NTM: variants seen among roughly 807,000 people sequenced by gnomAD.
NTM encodes IgLON family member 2.
A neutral mutation model predicts 42.1 loss-of-function variants in NTM; 13 were observed. The observed-to-expected ratio is 0.31, with a 90% CI of 0.20 to 0.49. The LOEUF (loss-of-function observed/expected upper bound fraction) is 0.49, where lower values mean the gene tolerates loss of function less well. Ranked by LOEUF, NTM falls within the 20% of genes least tolerant of loss-of-function variation. NTM has a pLI of 0.99. For missense variants in NTM, 373 were observed against 452.8 expected (o/e 0.82, Z 1.60); for synonymous variants, 187 against 179.2 (o/e 1.04, Z -0.35).
At chr11:131,386,766 T>A (rs1213281673) in intron 1 of NTM, among the ~76,000 whole-genome samples, 2 of 152,194 alleles carry the variant, frequency 1.3e-5, no homozygotes, top group African/African-American at 4.8e-5. Context: ...AACCAGAGAA[T>A]CCTGTGCAGT....
At chr11:131,486,884 G>A (rs12576456) in intron 1 of NTM, among the ~76,000 whole-genome samples, 8 of 152,280 alleles carry the variant, frequency 5.3e-5, no homozygotes, top group Middle Eastern at 3.4e-3. Flanking sequence ...CGGGATGCCA[G>A]CCCTGGATGG....
At chr11:131,912,571 AT>A (rs1239085285) in intron 2 of NTM, among the ~76,000 whole-genome samples, 11 of 152,200 alleles carry the variant, frequency 7.2e-5, no homozygotes, top group Admixed American at 4.6e-4. Context: ...GCGATGGGAA[AT>A]TTTATTCTCT....
intron 2 of NTM, among the ~76,000 whole-genome samples, chr11:132,130,984 A>G (rs1193166978): frequency 6.6e-6 from 1 of 152,212 alleles, no homozygotes; most frequent in Non-Finnish European, 1.5e-5. Context: ...TCTTATGATG[A>G]TGCTGTGAGA....
chr11:131,404,505 C>T (rs144461078), intron 1 of NTM, among the ~76,000 whole-genome samples: 39 of 152,262 alleles, frequency 2.6e-4, no homozygotes, highest in African/African-American at 4.3e-4. Flanking sequence ...TCCACTTCTC[C>T]GGGAGATCTC....
At chr11:131,735,437 T>G in intron 1 of NTM, among the ~76,000 whole-genome samples, 1 of 152,196 alleles carries the variant, frequency 6.6e-6, no homozygotes, top group East Asian at 1.9e-4. Context: ...AATAGAGAAG[T>G]GACAGTCATT....
At chr11:131,396,494 A>G (rs1944571114) in intron 1 of NTM, among the ~76,000 whole-genome samples, 1 of 152,184 alleles carries the variant, frequency 6.6e-6, no homozygotes, top group Admixed American at 6.5e-5. Context: ...GTATATTTTG[A>G]ATCATTAAAA....
At chr11:131,815,269 A>G (rs76721392) in intron 1 of NTM, among the ~76,000 whole-genome samples, 1 of 151,970 alleles carries the variant, frequency 6.6e-6, no homozygotes, top group Admixed American at 6.6e-5. Context: ...GTCTGATAAG[A>G]GCTTACAAAG....
intron 1 of NTM, among the ~76,000 whole-genome samples, chr11:131,818,143 C>T (rs981927380): frequency 6.6e-6 from 1 of 152,116 alleles, no homozygotes; most frequent in Non-Finnish European, 1.5e-5. Context: ...CTTCAGAACC[C>T]ACCTTCACGC....
intron 2 of NTM, among the ~76,000 whole-genome samples, chr11:131,983,334 C>A (rs773857520): frequency 2.0e-5 from 3 of 150,636 alleles, no homozygotes; most frequent in African/African-American, 7.3e-5. Context: ...TAACAAACCT[C>A]ATTTTTCACC....
chr11:131,640,992 G>A (rs2065061597), intron 1 of NTM, among the ~76,000 whole-genome samples: 1 of 152,152 alleles, frequency 6.6e-6, no homozygotes, highest in Admixed American at 6.5e-5. Context: ...GGGAATCATA[G>A]GGATGACATT....
chr11:132,121,223 C>G (rs1329646580), intron 2 of NTM, among the ~76,000 whole-genome samples: 1 of 152,160 alleles, frequency 6.6e-6, no homozygotes. Context: ...AGCCCTTCTT[C>G]CCTGGACCTC....
chr11:132,164,497 A>T (rs1467051971), intron 3 of NTM, among the ~76,000 whole-genome samples: 1 of 152,174 alleles, frequency 6.6e-6, no homozygotes, highest in Non-Finnish European at 1.5e-5. Flanking sequence ...ACATTTCTTT[A>T]TTTGACTATG....
intron 1 of NTM, among the ~76,000 whole-genome samples, chr11:131,546,973 A>G (rs1030002879): frequency 6.6e-6 from 1 of 151,810 alleles, no homozygotes; most frequent in Admixed American, 6.6e-5. Flanking sequence ...CCTTTCCATC[A>G]TGCCTCTGAG....
intron 1 of NTM, among the ~76,000 whole-genome samples, chr11:131,874,137 C>T (rs957994606): frequency 7.0e-6 from 1 of 143,180 alleles, no homozygotes; most frequent in African/African-American, 2.5e-5. Flanking sequence ...AAATAAAGGC[C>T]TTCTTGGTCT....
rs539477864 is a variant in NTM at position 131,911,052 on chromosome 11, C to T, written c.83-512C>T. ...CCGTTCGAACTGAGGGACTGCAGAC[C>T]GCCTCTGGGTAGCTGGATGAAGCCC... On this transcript the variant is annotated intron_variant, in intron 1 of 8. Transcript: ENST00000683400. The T allele has an allele frequency of 4.8e-5, 51 of 1,056,658 alleles. 1 individual carries two copies. The South Asian group carries it at 1.5e-3, about 31-fold the overall frequency. The allele number at this position is 1,056,658 out of a possible 1,614,324, so 65.5% of individuals were successfully genotyped here. A position where few individuals can be genotyped will look rare whatever the true frequency, so the allele number is the denominator to read the frequency against.
At chr11:132,065,795 A>C (rs190808073) in intron 2 of NTM, among the ~76,000 whole-genome samples, 124 of 152,306 alleles carry the variant, frequency 8.1e-4, no homozygotes, top group African/African-American at 2.9e-3. Flanking sequence ...GTTCATCGTA[A>C]CAATTGGGTG....
chr11:131,436,288 T>A (rs1202418459), intron 1 of NTM, among the ~76,000 whole-genome samples: 1 of 152,210 alleles, frequency 6.6e-6, no homozygotes, highest in African/African-American at 2.4e-5. Flanking sequence ...GCTATCAGGA[T>A]GATGCTGGCC....
intron 1 of NTM, among the ~76,000 whole-genome samples, chr11:131,838,651 G>T (rs1173318031): frequency 6.6e-6 from 1 of 152,168 alleles, no homozygotes; most frequent in East Asian, 1.9e-4. Flanking sequence ...TCATGGTTGT[G>T]TGTGCGTACA....
chr11:131,797,793 G>A (rs768767366), intron 1 of NTM, among the ~76,000 whole-genome samples: 2 of 152,090 alleles, frequency 1.3e-5, no homozygotes, highest in African/African-American at 4.8e-5. Context: ...CAGATATTAA[G>A]TAATTATTGG....
Sources: allele counts gnomAD v4.1 joint callset (sites outside exome capture counted in the v4.1 genomes callset), GRCh38; gene constraint gnomAD v4.1.1; transcripts MANE v1.5; gene names NCBI Gene and HGNC (gene_info 2026-07-23, HGNC 2026-07-21).